Variants in DNAJC12 observed in about 807,000 individuals in gnomAD.
DNAJC12 encodes the protein dnaJ homolog subfamily C member 12.
Under a neutral mutation model 28.5 loss-of-function variants are expected in DNAJC12, and 25 were observed. That is an observed-to-expected ratio of 0.88 (90% CI 0.64 to 1.22). The LOEUF (loss-of-function observed/expected upper bound fraction) is 1.22, where lower values mean the gene tolerates loss of function less well. Ranked by LOEUF, DNAJC12 falls within the 50% of genes most tolerant of loss-of-function variation. The pLI is 0.00. For missense variants in DNAJC12, 222 were observed against 231.7 expected (o/e 0.96, Z 0.27); for synonymous variants, 77 against 80.6 (o/e 0.95, Z 0.24).
intron 4 of DNAJC12, among the ~76,000 whole-genome samples, chr10:67,800,772 C>T (rs1234774817): frequency 6.6e-6 from 1 of 151,960 alleles, no homozygotes; most frequent in African/African-American, 2.4e-5. Flanking sequence ...GGTGAAACTC[C>T]GTCTCTACTA....
chr10:67,797,018 T>TGACATAAACATGACATTTTTAA lies in DNAJC12; in HGVS notation c.*76_*97dup. 1.1e-6 allele frequency: 1 copy of TGACATAAACATGACATTTTTAA among 872,016 alleles called. No individual in the cohort carries two copies. The highest frequency in any genetic ancestry group is 1.8e-6 in the Non-Finnish European group (1 of 567,384). The allele number at this position is 872,016 out of a possible 1,614,324, so 54.0% of individuals were successfully genotyped here. On this transcript the variant is annotated 3_prime_UTR_variant, in exon 5 of 5. Coordinates refer to ENST00000225171, the MANE Select transcript of DNAJC12 (RefSeq NM_021800.3). Reference sequence around the variant, plus strand: ...ATTAGTACTCAGCAATTCACAGACATGACATAAACATGACATTTTTAAGAC... The same window carrying TGACATAAACATGACATTTTTAA: ...ATTAGTACTCAGCAATTCACAGACATGACATAAACATGACATTTTTAAGACATAAACATGACATTTTTAAGAC...
intron 2 of DNAJC12, among the ~76,000 whole-genome samples, chr10:67,819,056 G>A (rs866513852): frequency 6.6e-6 from 1 of 152,194 alleles, no homozygotes; most frequent in African/African-American, 2.4e-5. Flanking sequence ...GCCAGGGGTC[G>A]GGAGCGGTGG....
intron 1 of DNAJC12, among the ~76,000 whole-genome samples, chr10:67,826,046 GA>G (rs1842025756): frequency 6.6e-6 from 1 of 151,482 alleles, no homozygotes; most frequent in South Asian, 2.1e-4. Context: ...TATCACTACA[GA>G]AAAAAAGTAA....
intron 2 of DNAJC12, among the ~76,000 whole-genome samples, chr10:67,822,185 G>A (rs1241403823): frequency 6.6e-6 from 1 of 152,166 alleles, no homozygotes; most frequent in African/African-American, 2.4e-5. Flanking sequence ...AGCTTAGGAG[G>A]GAACCTTGGG....
intron 4 of DNAJC12, among the ~76,000 whole-genome samples, chr10:67,804,858 C>T (rs1326919309): frequency 6.6e-6 from 1 of 151,958 alleles, no homozygotes; most frequent in Non-Finnish European, 1.5e-5. Flanking sequence ...ATGATGAAAC[C>T]CCATCTCTAC....
chr10:67,815,716 C>G (rs1024386590), intron 2 of DNAJC12, among the ~76,000 whole-genome samples: 2 of 152,032 alleles, frequency 1.3e-5, no homozygotes, highest in South Asian at 4.2e-4. Flanking sequence ...TAAATTACCA[C>G]CAAGGATGCA....
intron 2 of DNAJC12, among the ~76,000 whole-genome samples, chr10:67,820,619 A>T (rs1226695728): frequency 6.6e-6 from 1 of 152,198 alleles, no homozygotes; most frequent in African/African-American, 2.4e-5. Context: ...AGGGAAAAAA[A>T]ATCAAATGAG....
chr10:67,799,922 T>C (rs951820536), intron 4 of DNAJC12, among the ~76,000 whole-genome samples: 4 of 142,770 alleles, frequency 2.8e-5, no homozygotes, highest in African/African-American at 1.0e-4. Flanking sequence ...CCCGTAGAAA[T>C]AGACATGCAG....
chr10:67,801,510 T>C (rs950850185), intron 4 of DNAJC12, among the ~76,000 whole-genome samples: 7 of 152,074 alleles, frequency 4.6e-5, no homozygotes, highest in African/African-American at 1.7e-4. Context: ...TGATTCCCAG[T>C]TGGATGCAAT....
intron 4 of DNAJC12, among the ~76,000 whole-genome samples, chr10:67,804,181 GTA>G (rs1165139553): frequency 6.6e-6 from 1 of 152,146 alleles, no homozygotes; most frequent in Non-Finnish European, 1.5e-5. Flanking sequence ...TACAATGTGT[GTA>G]TATACAACAC....
intron 2 of DNAJC12, among the ~76,000 whole-genome samples, chr10:67,818,660 A>T (rs113091315): frequency 2.0e-4 from 29 of 146,346 alleles, no homozygotes; most frequent in African/African-American, 5.7e-4. Flanking sequence ...AATTTTTATA[A>T]TTTTTTTTTT....
Position 67,838,031 on chromosome 10 carries a change from C to T in DNAJC12, c.-20G>A. ...ATCCATTTAGATGACTTAATCAGTCCTTCTTCCCTCGGAAACAAGAGGCAC... is the reference window on the plus strand; with the variant it reads ...ATCCATTTAGATGACTTAATCAGTCTTTCTTCCCTCGGAAACAAGAGGCAC... On this transcript the variant is annotated 5_prime_UTR_variant, in exon 1 of 5. Coordinates refer to ENST00000225171, the MANE Select transcript of DNAJC12 (RefSeq NM_021800.3). 1 of 1,547,178 alleles carries T rather than the reference C, an allele frequency of 6.5e-7. No individual in the cohort carries two copies. Among genetic ancestry groups the T allele is most frequent in the Non-Finnish European group, 8.8e-7 (1 of 1,130,188 alleles).
At chr10:67,819,100 G>C (rs909846256) in intron 2 of DNAJC12, among the ~76,000 whole-genome samples, 17 of 152,160 alleles carry the variant, frequency 1.1e-4, no homozygotes, top group African/African-American at 3.9e-4. Context: ...CTGGGAGACC[G>C]AGGCGGGCGG....
intron 2 of DNAJC12, chr10:67,816,201 T>C: frequency 2.5e-6 from 1 of 397,586 alleles, no homozygotes; most frequent in Non-Finnish European, 4.4e-6. Flanking sequence ...CAGTCACATT[T>C]TAAATGTATG....
rs1333838872 is a variant in DNAJC12 at position 67,801,931 on chromosome 10, A to AGCT, written c.502+3649_502+3651dup. 8.5e-5 allele frequency among the ~76,000 whole-genome samples: 11 copies of AGCT among 129,306 alleles called. No individual in the cohort carries two copies. The Admixed American group carries it at 1.1e-3, about 13-fold the overall frequency. 84.8% of individuals were successfully genotyped at this position (129,306 alleles called of 152,430 possible). On this transcript the variant is annotated intron_variant, in intron 4 of 4. Coordinates refer to ENST00000225171, the MANE Select transcript of DNAJC12 (RefSeq NM_021800.3). ...GGCTGGAGTGCAGTGGCAGGATCAT[A>AGCT]GCTCACTGCAGCTTCAAACTCCCAG... is the stretch of plus-strand genomic sequence containing the variant.
rs569240271 is a variant in DNAJC12 at position 67,811,607 on chromosome 10, G to A, written c.214C>T (p.Arg72Ter). ...CTTCGCCAGTGGTCATAGCGGGCTC[G>A]ACTCTCTTCATTGGTCAGAATCTCC... Reference protein sequence around the residue: ...AKEILTNEESRARYDHWRRSQ... With the variant: ...AKEILTNEES The change falls in exon 3 of 5, where the codon CGA becomes TGA. Residue 72 changes from arginine (R) to a stop codon, truncating the protein, a stop_gained. Transcript: ENST00000225171. LOFTEE classifies it high-confidence loss of function. The A allele has an allele frequency of 9.9e-6, 16 of 1,614,146 alleles. No homozygotes were observed. Among genetic ancestry groups the A allele is most frequent in the Middle Eastern group, 1.7e-4 (1 of 6,060 alleles).
At chr10:67,826,912 TG>T (rs1842041705) in intron 1 of DNAJC12, among the ~76,000 whole-genome samples, 1 of 131,398 alleles carries the variant, frequency 7.6e-6, no homozygotes, top group Non-Finnish European at 1.6e-5. Flanking sequence ...TCATTATATA[TG>T]ATATATAATA....
intron 2 of DNAJC12, among the ~76,000 whole-genome samples, chr10:67,815,136 C>T (rs1360303796): frequency 6.6e-6 from 1 of 152,096 alleles, no homozygotes; most frequent in African/African-American, 2.4e-5. Flanking sequence ...TGTGGTATAT[C>T]CACCTAAAAG....
intron 1 of DNAJC12, among the ~76,000 whole-genome samples, chr10:67,835,803 T>C (rs1842137639): frequency 6.6e-6 from 1 of 151,376 alleles, no homozygotes; most frequent in African/African-American, 2.4e-5. Flanking sequence ...AATAAATAAT[T>C]GTTATCTAGA....
Sources: allele counts gnomAD v4.1 joint callset (sites outside exome capture counted in the v4.1 genomes callset), GRCh38; gene constraint gnomAD v4.1.1; transcripts MANE v1.5; gene names NCBI Gene and HGNC (gene_info 2026-07-23, HGNC 2026-07-21).